Variants in PTPRK observed in about 807,000 individuals in gnomAD.
The protein encoded by PTPRK is receptor-type tyrosine-protein phosphatase kappa.
A neutral mutation model predicts 178.0 loss-of-function variants in PTPRK; 75 were observed. That is an observed-to-expected ratio of 0.42 (90% CI 0.35 to 0.51). PTPRK has a LOEUF of 0.51. PTPRK is among the 20% of genes least tolerant of loss of function. The pLI is 0.02. For synonymous variants in PTPRK, 637 were observed against 620.6 expected, an observed-to-expected ratio of 1.03 and a Z score of -0.39; for missense variants, 1,441 against 1,797.8, an observed-to-expected ratio of 0.80 and a Z score of 3.59.
chr6:128,061,692 C>T (rs1263372944), intron 13 of PTPRK, among the ~76,000 whole-genome samples: 1 of 152,090 alleles, frequency 6.6e-6, no homozygotes, highest in Non-Finnish European at 1.5e-5. Flanking sequence ...GTCCTTCTCA[C>T]TGAAAGTGGC....
chr6:127,991,896 T>C (rs774018893), intron 19 of PTPRK, among the ~76,000 whole-genome samples: 4 of 151,734 alleles, frequency 2.6e-5, no homozygotes, highest in Non-Finnish European at 4.4e-5. Context: ...CCGAATACCA[T>C]AAAACTGAAT....
At chr6:128,209,470 A>C (rs1807658548) in intron 6 of PTPRK, among the ~76,000 whole-genome samples, 1 of 152,048 alleles carries the variant, frequency 6.6e-6, no homozygotes, top group African/African-American at 2.4e-5. Context: ...CTACCCACCC[A>C]TCAAGAGTCC....
At chr6:128,400,610 T>C (rs1840892546) in intron 1 of PTPRK, among the ~76,000 whole-genome samples, 2 of 151,934 alleles carry the variant, frequency 1.3e-5, no homozygotes, top group African/African-American at 4.8e-5. Flanking sequence ...CAGAGGAAAA[T>C]AATTTGTTTC....
chr6:128,413,690 A>C (rs1842546841), intron 1 of PTPRK, among the ~76,000 whole-genome samples: 1 of 152,204 alleles, frequency 6.6e-6, no homozygotes, highest in African/African-American at 2.4e-5. Context: ...GGAAATCGGA[A>C]TTGAGAATGA....
intron 1 of PTPRK, among the ~76,000 whole-genome samples, chr6:128,464,616 T>C (rs1159899155): frequency 1.1e-4 from 10 of 94,492 alleles, no homozygotes; most frequent in South Asian, 3.8e-4. Flanking sequence ...TATATATACA[T>C]ATACATATAT....
intron 1 of PTPRK, among the ~76,000 whole-genome samples, chr6:128,416,429 CAGGAGATCGAG>C (rs1842859852): frequency 1.3e-5 from 2 of 151,080 alleles, no homozygotes; most frequent in African/African-American, 4.9e-5. Flanking sequence ...ATCACGAGGT[CAGGAGATCGAG>C]ACCATCCTGG....
intron 15 of PTPRK, among the ~76,000 whole-genome samples, chr6:127,999,622 G>A (rs1387820604): frequency 6.6e-6 from 1 of 152,026 alleles, no homozygotes; most frequent in Non-Finnish European, 1.5e-5. Context: ...TCCCCTGGAA[G>A]TCTTTTCTGG....
intron 1 of PTPRK, among the ~76,000 whole-genome samples, chr6:128,416,522 C>A (rs1171238832): frequency 6.6e-6 from 1 of 151,668 alleles, no homozygotes; most frequent in African/African-American, 2.4e-5. Flanking sequence ...TGGCTGGCGC[C>A]TGTAGTCCCA....
At chr6:128,109,257 T>A (rs113301958) in intron 7 of PTPRK, among the ~76,000 whole-genome samples, 1 of 152,208 alleles carries the variant, frequency 6.6e-6, no homozygotes, top group East Asian at 1.9e-4. Flanking sequence ...AAATGTAAAA[T>A]TAATTATGAT....
chr6:128,068,245 G>T (rs565871511), intron 11 of PTPRK, among the ~76,000 whole-genome samples: 2 of 152,320 alleles, frequency 1.3e-5, no homozygotes, highest in South Asian at 4.1e-4. Flanking sequence ...GCACCCATTT[G>T]TGGTTGTCAC....
intron 1 of PTPRK, among the ~76,000 whole-genome samples, chr6:128,398,310 A>G (rs1423873975): frequency 1.3e-5 from 2 of 152,140 alleles, no homozygotes; most frequent in East Asian, 3.9e-4. Flanking sequence ...ATTTTCCATC[A>G]CCACTCAGAA....
chr6:128,123,368 C>T (rs866218528), intron 7 of PTPRK, among the ~76,000 whole-genome samples: 21 of 152,142 alleles, frequency 1.4e-4, no homozygotes, highest in Non-Finnish European at 1.0e-4. Context: ...CTTTGATAAA[C>T]AGTTGTAGGA....
chr6:128,051,577 C>T (rs917851704), intron 13 of PTPRK, among the ~76,000 whole-genome samples: 9 of 152,126 alleles, frequency 5.9e-5, no homozygotes, highest in Admixed American at 2.6e-4. Context: ...ATCTTCCTTT[C>T]GTCAGTGTTG....
At chr6:128,349,304 ATTC>A (rs1201979406) in intron 2 of PTPRK, among the ~76,000 whole-genome samples, 2 of 152,142 alleles carry the variant, frequency 1.3e-5, no homozygotes, top group Non-Finnish European at 2.9e-5. Flanking sequence ...GCCCATAAAT[ATTC>A]CCTAGTAGAT....
chr6:128,257,309 GC>G (rs533020408), intron 3 of PTPRK, among the ~76,000 whole-genome samples: 107 of 151,620 alleles, frequency 7.1e-4, no homozygotes, highest in African/African-American at 2.5e-3. Flanking sequence ...AAAGGAGTCT[GC>G]CTTTTTTCAT....
intron 20 of PTPRK, 49 bp from the exon 21 acceptor site, chr6:127,990,934 T>C: frequency 9.1e-7 from 1 of 1,102,980 alleles, no homozygotes; most frequent in Non-Finnish European, 1.4e-6. Context: ...ATAATACTAA[T>C]TAGCCAAGGT....
At chr6:128,128,485 T>C (rs1422841753) in intron 7 of PTPRK, among the ~76,000 whole-genome samples, 1 of 152,008 alleles carries the variant, frequency 6.6e-6, no homozygotes, top group Non-Finnish European at 1.5e-5. Context: ...CTTCCCTTGA[T>C]TCCCAGAACA....
intron 1 of PTPRK, among the ~76,000 whole-genome samples, chr6:128,414,750 C>T (rs1484211353): frequency 6.6e-6 from 1 of 152,144 alleles, no homozygotes; most frequent in African/African-American, 2.4e-5. Context: ...TATTAAGTCA[C>T]ATATTATGTG....
At chr6:128,237,954 TTTTTA>T (rs959575863) in intron 5 of PTPRK, 25 of 404,572 alleles carry the variant, frequency 6.2e-5, no homozygotes, top group Non-Finnish European at 1.0e-4. Context: ...ATAATAAAAG[TTTTTA>T]TTTTAATTTG....
Sources: gnomAD v4.1 joint callset for allele counts (sites outside exome capture counted in the v4.1 genomes callset) on GRCh38, gnomAD v4.1.1 for gene constraint, MANE v1.5 for transcripts, NCBI Gene and HGNC (gene_info 2026-07-23, HGNC 2026-07-21) for gene names.